Variants in CYLD observed in about 807,000 individuals in gnomAD.
CYLD encodes the protein ubiquitin carboxyl-terminal hydrolase CYLD.
CYLD carries 26 observed loss-of-function variants against 104.5 expected under a neutral mutation model. That is an observed-to-expected ratio of 0.25 (90% confidence interval 0.18 to 0.35). The LOEUF is 0.35. CYLD is among the 10% of genes least tolerant of loss of function. The pLI, the probability that CYLD is intolerant of heterozygous loss-of-function variation, is 1.00. For missense variants in CYLD, 703 were observed against 1,136.1 expected (o/e 0.62, Z 5.48); for synonymous variants, 385 against 399.9 (o/e 0.96, Z 0.45).
chr16:50,760,559 T>C (rs1241788390), intron 5 of CYLD, among the ~76,000 whole-genome samples: 2 of 152,218 alleles, frequency 1.3e-5, no homozygotes, highest in East Asian at 3.8e-4. Flanking sequence ...GATACACTAT[T>C]CTGCTGTTTG....
intron 2 of CYLD, among the ~76,000 whole-genome samples, chr16:50,745,362 GTTTTTTTT>G (rs535675323): frequency 2.3e-4 from 18 of 78,750 alleles, no homozygotes; most frequent in African/African-American, 7.0e-4. Context: ...TTTCCTCTTT[GTTTTTTTT>G]TTTTTTTTTT....
Position 50,781,291 on chromosome 16 carries a change from C to T in CYLD, c.1564C>T (p.Arg522Trp), listed in dbSNP as rs1261903918. 5 of 1,613,798 alleles carry T rather than the reference C, an allele frequency of 3.1e-6. No individual in the cohort carries two copies. The highest frequency in any genetic ancestry group is 1.7e-5 in the Admixed American group (1 of 59,996). ...TACGGATGGAACCTTCAGAGGCACT[C>T]GGTATTTCACCTGTGCCCTGAAGAA... ...GCTDGTFRGT[R>W]YFTCALKKAL... is the part of the protein sequence containing the mutation. The change falls in exon 10 of 19, where the codon CGG becomes TGG. Residue 522 changes from arginine to tryptophan, a missense_variant. Physicochemically the swap from Arg to Trp is moderately radical, Grantham distance 101. Coordinates refer to ENST00000427738, the MANE Select transcript of CYLD (RefSeq NM_001378743.1).
chr16:50,799,657 A>G lies in CYLD; in HGVS notation c.*3149A>G. 4.3e-6 allele frequency: 1 copy of G among 233,612 alleles called. No homozygotes were observed. Among genetic ancestry groups the G allele is most frequent in the East Asian group, 6.0e-5 (1 of 16,648 alleles). The allele number at this position is 233,612 out of a possible 1,614,324, so 14.5% of individuals were successfully genotyped here. A position where few individuals can be genotyped will look rare whatever the true frequency, so the allele number is the denominator to read the frequency against. ...GATTTTGAGAACAAGGGGGAGAGAT[A>G]GTATGGAAGATTAAGATTCCATTAA... On this transcript the variant is annotated 3_prime_UTR_variant, in exon 19 of 19. Coordinates refer to ENST00000427738, the MANE Select transcript of CYLD (RefSeq NM_001378743.1).
chr16:50,774,098 T>C (rs1341156455), intron 5 of CYLD, among the ~76,000 whole-genome samples: 12 of 152,254 alleles, frequency 7.9e-5, no homozygotes, highest in Admixed American at 7.9e-4. Flanking sequence ...TAATGGTTAC[T>C]AACTATATAA....
chr16:50,766,338 A>G (rs1170676303), intron 5 of CYLD, among the ~76,000 whole-genome samples: 5 of 152,200 alleles, frequency 3.3e-5, no homozygotes, highest in African/African-American at 1.2e-4. Flanking sequence ...TTTTAAGTCT[A>G]CTGTTGAGAC....
intron 5 of CYLD, among the ~76,000 whole-genome samples, chr16:50,762,331 C>G (rs145934913): frequency 3.5e-4 from 54 of 152,306 alleles, no homozygotes; most frequent in African/African-American, 1.2e-3. Context: ...TGCGTTTTTA[C>G]ATTTAAGTGT....
intron 5 of CYLD, among the ~76,000 whole-genome samples, chr16:50,769,674 ATGT>A (rs566183856): frequency 1.4e-3 from 206 of 152,306 alleles, no homozygotes; most frequent in Non-Finnish European, 2.5e-3. Flanking sequence ...TAACATTAAC[ATGT>A]TGTAAAACAA....
At chr16:50,789,242 A>G (rs1420287671) in intron 14 of CYLD, among the ~76,000 whole-genome samples, 2 of 152,234 alleles carry the variant, frequency 1.3e-5, no homozygotes. Context: ...ACTTTCAAAC[A>G]GAAATGGGAA....
At chr16:50,751,963 T>C in intron 4 of CYLD, 57 bp downstream of exon 4, 2 of 563,042 alleles carry the variant, frequency 3.6e-6, no homozygotes, top group Non-Finnish European at 5.1e-6. Context: ...TATATATATA[T>C]GTATATATAT....
In CYLD at chr16:50,794,510, G is replaced by A. The variant is rs754493863; in HGVS notation, c.2686+82G>A. 4.6e-6 allele frequency: 6 copies of A among 1,291,768 alleles called. No individual in the cohort carries two copies. The South Asian group carries it at 4.7e-5, about 10-fold the overall frequency. 80.0% of individuals were successfully genotyped at this position (1,291,768 alleles called of 1,614,324 possible). Reference sequence around the variant, plus strand: ...AGTTTGTAGTGGGATCGCCTGTTCTGAGTGATATTTTCTGAGAAAATCCTT... The same window carrying A: ...AGTTTGTAGTGGGATCGCCTGTTCTAAGTGATATTTTCTGAGAAAATCCTT... On this transcript the variant is annotated intron_variant, in intron 18 of 18. Transcript: ENST00000427738. The surrounding 1 kb of genome is among the most constrained non-coding windows in gnomAD (Gnocchi z 4.1).
chr16:50,782,443 T>C lies in CYLD; in HGVS notation c.1803T>C (p.Cys601=). 6.2e-7 allele frequency: 1 copy of C among 1,614,120 alleles called. No individual in the cohort carries two copies. Among genetic ancestry groups the C allele is most frequent in the South Asian group, 1.1e-5 (1 of 91,082 alleles). The change falls in exon 11 of 19, where the codon TGT becomes TGC. Residue 601 remains cysteine, a synonymous_variant. Coordinates refer to ENST00000427738, the MANE Select transcript of CYLD (RefSeq NM_001378743.1). ...KKGIQGHYNS[C]YLDSTLFCLF... ...GCATCCAGGGTCATTACAATTCTTG[T>C]TACTTAGACTCAACCTTATTCTGGT...
chr16:50,783,955 T>C (rs974470595), intron 11 of CYLD: 2 of 278,984 alleles, frequency 7.2e-6, no homozygotes, highest in African/African-American at 4.4e-5. Flanking sequence ...CCTCGGGAAG[T>C]CGTTTCCAAA....
At chr16:50,763,500 C>T (rs767243240) in intron 5 of CYLD, among the ~76,000 whole-genome samples, 4 of 152,066 alleles carry the variant, frequency 2.6e-5, no homozygotes, top group Middle Eastern at 3.2e-3. Flanking sequence ...AGTGTGTAAG[C>T]GTTTTGGTTT....
At chr16:50,793,957 A>G (rs1971703325) in intron 17 of CYLD, among the ~76,000 whole-genome samples, 1 of 142,860 alleles carries the variant, frequency 7.0e-6, no homozygotes, top group South Asian at 2.2e-4. Flanking sequence ...AGAGACTGAG[A>G]GAGACTAATG....
At chr16:50,777,562 A>T (rs928463119) in intron 7 of CYLD, among the ~76,000 whole-genome samples, 5 of 152,052 alleles carry the variant, frequency 3.3e-5, no homozygotes, top group African/African-American at 9.7e-5. Context: ...CATTTTTTTT[A>T]AAAATGAGTG....
In CYLD at chr16:50,797,311, G is replaced by A. The variant is rs1256199021; in HGVS notation, c.*803G>A. 4.3e-6 allele frequency: 1 copy of A among 232,094 alleles called. No individual in the cohort carries two copies. Among genetic ancestry groups the A allele is most frequent in the Non-Finnish European group, 8.5e-6 (1 of 117,422 alleles). The allele number at this position is 232,094 out of a possible 1,614,324, so 14.4% of individuals were successfully genotyped here. Reference sequence around the variant, plus strand: ...GGCAAAGTAAATTGATGAAAGAATTGGAGTGATAATAGTCCTTTACAAACA... The same window carrying A: ...GGCAAAGTAAATTGATGAAAGAATTAGAGTGATAATAGTCCTTTACAAACA... On this transcript the variant is annotated 3_prime_UTR_variant, in exon 19 of 19. Coordinates refer to ENST00000427738, the MANE Select transcript of CYLD (RefSeq NM_001378743.1).
chr16:50,792,497 G>C, intron 15 of CYLD, 100 bp from the exon 16 acceptor site: 1 of 783,314 alleles, frequency 1.3e-6, no homozygotes, highest in Non-Finnish European at 2.2e-6. Context: ...CCAATATTAA[G>C]GCAGAACTGT....
rs1972067835 is a variant in CYLD at position 50,796,562 on chromosome 16, C to T, written c.*54C>T. Reference sequence around the variant, plus strand: ...TGAAGGCAGAGTCCTAACGTTGCATCTTATTCGAGCTGGCAGTTCTGTTCA... The same window carrying T: ...TGAAGGCAGAGTCCTAACGTTGCATTTTATTCGAGCTGGCAGTTCTGTTCA... On this transcript the variant is annotated 3_prime_UTR_variant, in exon 19 of 19. Coordinates refer to ENST00000427738, the MANE Select transcript of CYLD (RefSeq NM_001378743.1). 6.4e-7 allele frequency: 1 copy of T among 1,562,014 alleles called. No homozygotes were observed. Among genetic ancestry groups the T allele is most frequent in the South Asian group, 1.1e-5 (1 of 89,878 alleles).
intron 4 of CYLD, 70 bp downstream of exon 4, chr16:50,751,976 AT>A (rs1966662692): frequency 5.3e-4 from 222 of 422,074 alleles, no homozygotes; most frequent in Middle Eastern, 1.6e-3. Flanking sequence ...ATATATATAT[AT>A]AAACATATAT....
Sources: allele counts gnomAD v4.1 joint callset (sites outside exome capture counted in the v4.1 genomes callset), GRCh38; gene constraint gnomAD v4.1.1; non-coding constraint Gnocchi (gnomAD v3.1); transcripts MANE v1.5; gene names NCBI Gene and HGNC (gene_info 2026-07-23, HGNC 2026-07-21).